DOK5: variants seen among roughly 807,000 people sequenced by gnomAD.
DOK5 encodes the protein downstream of tyrosine kinase 5.
In DOK5, 27 loss-of-function variants were observed where a neutral mutation model predicts 43.3. The ratio of observed to expected loss-of-function variants is 0.62; its 90% CI spans 0.46 to 0.86. DOK5 has a LOEUF of 0.86. Ranked by LOEUF, DOK5 falls within the 40% of genes least tolerant of loss-of-function variation. The pLI is 0.00. For missense variants in DOK5, 373 were observed against 392.9 expected (o/e 0.95, Z 0.43); for synonymous variants, 146 against 140.1 (o/e 1.04, Z -0.30).
At chr20:54,588,945 C>T in intron 4 of DOK5, 139 bp downstream of exon 4, 1 of 871,426 alleles carries the variant, frequency 1.1e-6, no homozygotes, top group Non-Finnish European at 1.7e-6. Context: ...ATCTAATCCA[C>T]AACCTGTGTT....
In DOK5 at chr20:54,554,936, T is replaced by C; in HGVS notation, c.70T>C (p.Tyr24His). The change falls in exon 2 of 8, where the codon TAT (tyrosine) becomes CAT (histidine). Residue 24 changes from tyrosine to histidine, a missense_variant. Coordinates refer to ENST00000262593, the MANE Select transcript of DOK5 (RefSeq NM_018431.5). ...CAGTCTTTGTATTTCCTTCCAGATT[T>C]ATCAGCGATGCTGGTTAGTATTCAA... ...VRIRSRRLGI[Y>H]QRCWLVFKKA... 1 of 1,607,802 alleles carries C rather than the reference T, an allele frequency of 6.2e-7. No homozygotes were observed.
chr20:54,517,974 G>C (rs912442596), intron 1 of DOK5, among the ~76,000 whole-genome samples: 17 of 152,062 alleles, frequency 1.1e-4, no homozygotes, highest in Non-Finnish European at 2.4e-4. Flanking sequence ...TCCAGTTTAT[G>C]ATGTTTTGTT....
At chr20:54,500,638 C>T (rs1982559621) in intron 1 of DOK5, among the ~76,000 whole-genome samples, 1 of 149,844 alleles carries the variant, frequency 6.7e-6, no homozygotes, top group African/African-American at 2.5e-5. Flanking sequence ...CTCGGCTCAC[C>T]ACAACCTCTA....
chr20:54,612,455 G>T (rs1476196881), intron 6 of DOK5, among the ~76,000 whole-genome samples: 2 of 152,190 alleles, frequency 1.3e-5, no homozygotes, highest in Non-Finnish European at 2.9e-5. Flanking sequence ...TTTCTTGTGA[G>T]TATGTCTCTG....
chr20:54,558,914 C>T (rs959507609), intron 2 of DOK5, among the ~76,000 whole-genome samples: 5 of 152,040 alleles, frequency 3.3e-5, no homozygotes, highest in Admixed American at 6.6e-5. Flanking sequence ...AAATGTAGCT[C>T]GAAGTACACT....
chr20:54,539,172 C>T (rs1340767178), intron 1 of DOK5, among the ~76,000 whole-genome samples: 1 of 151,326 alleles, frequency 6.6e-6, no homozygotes, highest in Non-Finnish European at 1.5e-5. Flanking sequence ...CGCCTGTAGT[C>T]CCAGCTACTT....
intron 1 of DOK5, among the ~76,000 whole-genome samples, chr20:54,479,895 C>T (rs192093136): frequency 6.6e-6 from 1 of 152,134 alleles, no homozygotes; most frequent in East Asian, 1.9e-4. Context: ...CCCCTCATCT[C>T]CCACCCCTAC....
intron 5 of DOK5, among the ~76,000 whole-genome samples, chr20:54,605,010 AAAATATATAT>A (rs527825444): frequency 0.054 from 7,617 of 141,596 alleles, 245 homozygotes; most frequent in Non-Finnish European, 0.062. Context: ...TCAAAAAAAA[AAAATATATAT>A]ATATACACAC....
intron 5 of DOK5, among the ~76,000 whole-genome samples, chr20:54,600,917 T>C (rs953506720): frequency 6.6e-6 from 1 of 152,242 alleles, no homozygotes; most frequent in African/African-American, 2.4e-5. Context: ...ATAATCTTTT[T>C]TTTCTTTAAG....
chr20:54,571,407 C>G (rs868546474), intron 2 of DOK5, among the ~76,000 whole-genome samples: 6 of 152,078 alleles, frequency 3.9e-5, no homozygotes, highest in South Asian at 4.1e-4. Context: ...CTGAGAGATT[C>G]CATTTGAGTG....
At chr20:54,567,485 T>A (rs1985136386) in intron 2 of DOK5, among the ~76,000 whole-genome samples, 2 of 152,216 alleles carry the variant, frequency 1.3e-5, no homozygotes, top group Non-Finnish European at 2.9e-5. Flanking sequence ...CAAAAATTAT[T>A]TGGGCATATT....
At chr20:54,640,139 C>T (rs1979035505) in intron 6 of DOK5, among the ~76,000 whole-genome samples, 1 of 152,124 alleles carries the variant, frequency 6.6e-6, no homozygotes, top group Non-Finnish European at 1.5e-5. Context: ...AGCGGAGGAC[C>T]CAGAGAAAAC....
chr20:54,625,861 C>A (rs749651846), intron 6 of DOK5, among the ~76,000 whole-genome samples: 1 of 152,216 alleles, frequency 6.6e-6, no homozygotes, highest in African/African-American at 2.4e-5. Flanking sequence ...ATCAATTCAT[C>A]CATCCATAAT....
Position 54,650,487 on chromosome 20 carries a change from T to G in DOK5, c.*8T>G. On this transcript the variant is annotated 3_prime_UTR_variant, in exon 8 of 8. Transcript: ENST00000262593. ...TACAGATCTGAGCACTGACAGTAACTGCCAAGAATTGTTAACACACTTGTG... is the reference window on the plus strand; with the variant it reads ...TACAGATCTGAGCACTGACAGTAACGGCCAAGAATTGTTAACACACTTGTG... 6.2e-7 allele frequency: 1 copy of G among 1,613,676 alleles called. No homozygotes were observed. The highest frequency in any genetic ancestry group is 8.5e-7 in the Non-Finnish European group (1 of 1,179,766).
intron 6 of DOK5, among the ~76,000 whole-genome samples, chr20:54,632,498 G>T (rs1978617158): frequency 6.6e-6 from 1 of 152,182 alleles, no homozygotes; most frequent in Non-Finnish European, 1.5e-5. Flanking sequence ...AATAAATTAT[G>T]CGTGGCCTAA....
intron 5 of DOK5, among the ~76,000 whole-genome samples, chr20:54,608,857 T>C (rs1986553597): frequency 6.6e-6 from 1 of 152,056 alleles, no homozygotes; most frequent in Non-Finnish European, 1.5e-5. Context: ...TATTTTTTAG[T>C]AGAGACAGAG....
chr20:54,600,308 G>A (rs897139866), intron 5 of DOK5, among the ~76,000 whole-genome samples: 3 of 152,080 alleles, frequency 2.0e-5, no homozygotes, highest in Non-Finnish European at 4.4e-5. Flanking sequence ...GCCCTCAGGG[G>A]CTGTGTAGAG....
intron 6 of DOK5, among the ~76,000 whole-genome samples, chr20:54,628,341 G>A (rs1386456592): frequency 2.7e-5 from 4 of 146,602 alleles, no homozygotes; most frequent in South Asian, 4.3e-4. Context: ...CCCGGGAGGC[G>A]GAGCTTGCAG....
intron 1 of DOK5, among the ~76,000 whole-genome samples, chr20:54,506,671 G>A (rs189971423): frequency 4.6e-5 from 7 of 152,310 alleles, no homozygotes; most frequent in Non-Finnish European, 5.9e-5. Flanking sequence ...CGGTTGCCCA[G>A]GCTGGTCTTG....
Sources: allele counts gnomAD v4.1 joint callset (sites outside exome capture counted in the v4.1 genomes callset), GRCh38; gene constraint gnomAD v4.1.1; transcripts MANE v1.5; gene names NCBI Gene and HGNC (gene_info 2026-07-23, HGNC 2026-07-21).